CEP128: variants seen among roughly 807,000 people sequenced by gnomAD.
CEP128 encodes centrosomal protein 128.
Under a neutral mutation model 156.7 loss-of-function variants are expected in CEP128, and 132 were observed. The observed-to-expected ratio is 0.84, with a 90% CI of 0.73 to 0.97. CEP128 has a LOEUF of 0.97. Ranked by LOEUF, CEP128 falls within the 50% of genes least tolerant of loss-of-function variation. The pLI, the probability that CEP128 is intolerant of heterozygous loss-of-function variation, is 0.00. For missense variants in CEP128, 1,252 were observed against 1,281.9 expected, an observed-to-expected ratio of 0.98 and a Z score of 0.36; for synonymous variants, 469 against 448.9, an observed-to-expected ratio of 1.04 and a Z score of -0.57.
intron 8 of CEP128, among the ~76,000 whole-genome samples, chr14:80,891,505 C>T (rs959607860): frequency 1.4e-5 from 2 of 146,454 alleles, no homozygotes; most frequent in African/African-American, 2.5e-5. Flanking sequence ...GTCAAATTCA[C>T]AGAGAGTACA....
At chr14:80,512,080 T>G (rs1327612180) in intron 23 of CEP128, among the ~76,000 whole-genome samples, 1 of 152,104 alleles carries the variant, frequency 6.6e-6, no homozygotes, top group Non-Finnish European at 1.5e-5. Flanking sequence ...ACATATCTAT[T>G]AGGTTCATCT....
intron 2 of CEP128, among the ~76,000 whole-genome samples, chr14:80,946,913 C>T (rs557969637): frequency 2.6e-5 from 4 of 152,242 alleles, no homozygotes; most frequent in East Asian, 1.9e-4. Flanking sequence ...CCTTGCTGTT[C>T]TCATAATAGT....
chr14:80,642,807 A>G (rs983796697), intron 19 of CEP128, among the ~76,000 whole-genome samples: 2 of 151,868 alleles, frequency 1.3e-5, no homozygotes, highest in Non-Finnish European at 2.9e-5. Flanking sequence ...CCAGGCTGGA[A>G]TGCGGCGGCG....
intron 8 of CEP128, among the ~76,000 whole-genome samples, chr14:80,866,868 T>C (rs1887791019): frequency 6.6e-6 from 1 of 152,092 alleles, no homozygotes; most frequent in Non-Finnish European, 1.5e-5. Flanking sequence ...AATACAGTAG[T>C]CCCATTTTAC....
intron 24 of CEP128, among the ~76,000 whole-genome samples, chr14:80,498,208 A>G (rs1315669083): frequency 2.6e-5 from 4 of 152,104 alleles, no homozygotes; most frequent in African/African-American, 9.7e-5. Flanking sequence ...ATTCAGTTTA[A>G]GAGCGAGCTC....
chr14:80,643,625 A>G (rs1423571717), intron 19 of CEP128, among the ~76,000 whole-genome samples: 1 of 151,992 alleles, frequency 6.6e-6, no homozygotes, highest in East Asian at 1.9e-4. Context: ...CCGGAGAATC[A>G]CTTGAACCTG....
chr14:80,632,560 A>G (rs1209248841), intron 19 of CEP128, among the ~76,000 whole-genome samples: 7 of 149,436 alleles, frequency 4.7e-5, no homozygotes, highest in African/African-American at 1.7e-4. Flanking sequence ...TATATAATAT[A>G]TAAAATCTAT....
At chr14:80,886,658 C>A (rs1451655812) in intron 8 of CEP128, among the ~76,000 whole-genome samples, 2 of 152,168 alleles carry the variant, frequency 1.3e-5, no homozygotes, top group African/African-American at 2.4e-5. Flanking sequence ...AAAACCAGTA[C>A]CAGCCACTGC....
At chr14:80,858,731 G>A (rs973446456) in intron 9 of CEP128, among the ~76,000 whole-genome samples, 12 of 151,546 alleles carry the variant, frequency 7.9e-5, no homozygotes, top group African/African-American at 2.9e-4. Context: ...CAAAAAGTGG[G>A]CGAAGGACAT....
chr14:80,818,102 C>G (rs960611094), intron 13 of CEP128, among the ~76,000 whole-genome samples: 5 of 152,164 alleles, frequency 3.3e-5, no homozygotes, highest in Admixed American at 1.3e-4. Flanking sequence ...CCACTGCGGC[C>G]TCAACCTCTT....
intron 14 of CEP128, chr14:80,478,540 T>C (rs1886990066): frequency 6.6e-6 from 1 of 152,224 alleles, no homozygotes; most frequent in Non-Finnish European, 1.5e-5. Flanking sequence ...CATTCAAATT[T>C]GGGTCCCATG....
At chr14:80,920,827 TG>T (rs754450567) in intron 2 of CEP128, among the ~76,000 whole-genome samples, 7 of 152,236 alleles carry the variant, frequency 4.6e-5, no homozygotes, top group Non-Finnish European at 1.0e-4. Context: ...ACTTTCCTAA[TG>T]GGAACATGTA....
At chr14:80,615,060 A>C (rs111385218) in intron 19 of CEP128, among the ~76,000 whole-genome samples, 148 of 152,340 alleles carry the variant, frequency 9.7e-4, no homozygotes, top group African/African-American at 3.5e-3. Context: ...TACATGACAA[A>C]TAGTAAGAAA....
intron 19 of CEP128, among the ~76,000 whole-genome samples, chr14:80,683,708 A>T (rs1896413567): frequency 6.6e-6 from 1 of 152,152 alleles, no homozygotes; most frequent in South Asian, 2.1e-4. Flanking sequence ...ACTGACCATA[A>T]GCTCAGCCCT....
chr14:80,668,839 T>C (rs552124643), intron 19 of CEP128, among the ~76,000 whole-genome samples: 13 of 152,262 alleles, frequency 8.5e-5, no homozygotes, highest in African/African-American at 3.1e-4. Context: ...GAGCCTTTCC[T>C]GTGCTGTTCT....
At chr14:80,905,692 G>T in intron 5 of CEP128, 1 of 297,304 alleles carries the variant, frequency 3.4e-6, no homozygotes, top group Non-Finnish European at 6.2e-6. Context: ...TGATTCTTTG[G>T]CAGCAGACAA....
At chr14:80,851,098 T>C (rs1886866700) in intron 9 of CEP128, among the ~76,000 whole-genome samples, 1 of 152,170 alleles carries the variant, frequency 6.6e-6, no homozygotes, top group Non-Finnish European at 1.5e-5. Flanking sequence ...GAATGTTATA[T>C]GCAGCTGAAC....
chr14:80,497,484 T>G lies in CEP128; in HGVS notation c.3280A>C (p.Ser1094Arg), dbSNP rs775086580. Reference sequence around the variant, plus strand: ...AACAAATTACATTTGCTTTTTTAGCTCCCATATTCCTCTTTTTTGGGTTGT... The same window carrying G: ...AACAAATTACATTTGCTTTTTTAGCGCCCATATTCCTCTTTTTTGGGTTGT... ...SSQPKKEEYG[S>R] The change falls in exon 25 of 25, where the codon AGC (serine) becomes CGC (arginine). Residue 1094 changes from serine to arginine, a missense_variant. Ser to Arg is a moderately radical substitution (Grantham distance 110). Transcript: ENST00000555265. 1 of 1,599,140 alleles carries G rather than the reference T, an allele frequency of 6.3e-7. No individual in the cohort carries two copies. Among genetic ancestry groups the G allele is most frequent in the Non-Finnish European group, 8.6e-7 (1 of 1,168,906 alleles).
At chr14:80,585,984 C>G (rs554336734) in intron 19 of CEP128, among the ~76,000 whole-genome samples, 2 of 152,242 alleles carry the variant, frequency 1.3e-5, no homozygotes, top group South Asian at 4.2e-4. Context: ...TCCAGATACT[C>G]AAGACATTAG....
Sources: allele counts gnomAD v4.1 joint callset (sites outside exome capture counted in the v4.1 genomes callset), GRCh38; gene constraint gnomAD v4.1.1; transcripts MANE v1.5; gene names NCBI Gene and HGNC (gene_info 2026-07-23, HGNC 2026-07-21).